Variants in NRDE2 observed in about 807,000 individuals in gnomAD.
The protein encoded by NRDE2 is nuclear exosome regulator NRDE2.
In NRDE2, 76 loss-of-function variants were observed where a neutral mutation model predicts 124.2. The observed-to-expected ratio is 0.61, with a 90% CI of 0.51 to 0.74. NRDE2 has a LOEUF of 0.74. NRDE2 is among the 30% of genes least tolerant of loss of function. The pLI, the probability that NRDE2 is intolerant of heterozygous loss-of-function variation, is 0.00. For synonymous variants in NRDE2, 489 were observed against 528.1 expected, an observed-to-expected ratio of 0.93 and a Z score of 1.01; for missense variants, 1,314 against 1,417.3, an observed-to-expected ratio of 0.93 and a Z score of 1.17.
chr14:90,301,864 T>C (rs1884414041), intron 6 of NRDE2: 1 of 455,586 alleles, frequency 2.2e-6, no homozygotes, highest in Middle Eastern at 3.3e-4. Flanking sequence ...TTGGTACAAT[T>C]CCAGCTACTA....
intron 12 of NRDE2, chr14:90,280,344 G>A (rs1380303735): frequency 6.6e-6 from 1 of 152,198 alleles, no homozygotes; most frequent in African/African-American, 2.4e-5. Context: ...GGCCAGCTGT[G>A]AGGCTCGGAG....
At chr14:90,296,336 T>C (rs549697257) in intron 8 of NRDE2, among the ~76,000 whole-genome samples, 2 of 152,324 alleles carry the variant, frequency 1.3e-5, no homozygotes, top group East Asian at 1.9e-4. Flanking sequence ...AGGCTGTTTT[T>C]CTTCATACAT....
intron 1 of NRDE2, among the ~76,000 whole-genome samples, chr14:90,326,824 A>G (rs1885457598): frequency 6.6e-6 from 1 of 152,228 alleles, no homozygotes; most frequent in Non-Finnish European, 1.5e-5. Context: ...GTGATTTTCA[A>G]ACTCAGTAAA....
chr14:90,282,086 T>G (rs537484758), intron 12 of NRDE2, among the ~76,000 whole-genome samples: 184 of 152,370 alleles, frequency 1.2e-3, no homozygotes, highest in African/African-American at 4.2e-3. Context: ...ACTAACTGGC[T>G]TATATACTCA....
intron 1 of NRDE2, among the ~76,000 whole-genome samples, chr14:90,324,694 A>G (rs1008186427): frequency 2.1e-4 from 31 of 149,358 alleles, no homozygotes; most frequent in Admixed American, 5.4e-4. Context: ...AAAAAAAAAG[A>G]GCACACACTT....
chr14:90,271,152 T>C lies in NRDE2; in HGVS notation c.*7184A>G, dbSNP rs969336786. The C allele has an allele frequency of 3.3e-5, 5 of 152,266 alleles. No individual in the cohort carries two copies. The highest frequency in any genetic ancestry group is 1.2e-4 in the African/African-American group (5 of 41,470). 9.4% of individuals were successfully genotyped at this position (152,266 alleles called of 1,614,324 possible). A position where few individuals can be genotyped will look rare whatever the true frequency, so the allele number is the denominator to read the frequency against. ...ATTTGCCAAGAGTTAACATTTTACC[T>C]GTTTGCTTTTTCTCTTTCTATACAC... On this transcript the variant is annotated 3_prime_UTR_variant, in exon 14 of 14. Transcript: ENST00000354366.
Position 90,269,306 on chromosome 14 carries a change from G to A in NRDE2, c.*9030C>T. ...GAGTTGAAACAGGAATGTTTGTTAA[G>A]GTGTTTTGTCACAATGAGGTCTTTG... On this transcript the variant is annotated 3_prime_UTR_variant, in exon 14 of 14. Coordinates refer to ENST00000354366, the MANE Select transcript of NRDE2 (RefSeq NM_017970.4). 8.9e-7 allele frequency: 1 copy of A among 1,119,378 alleles called. No homozygotes were observed. The highest frequency in any genetic ancestry group is 2.4e-5 in the East Asian group (1 of 41,460). 69.3% of individuals were successfully genotyped at this position (1,119,378 alleles called of 1,614,324 possible).
At chr14:90,320,807 C>G (rs1159153713) in intron 1 of NRDE2, among the ~76,000 whole-genome samples, 1 of 152,190 alleles carries the variant, frequency 6.6e-6, no homozygotes, top group Admixed American at 6.5e-5. Flanking sequence ...ATCCTCACAA[C>G]AAGGCTCTAT....
intron 1 of NRDE2, among the ~76,000 whole-genome samples, chr14:90,331,473 T>C (rs1885694513): frequency 6.6e-6 from 1 of 152,216 alleles, no homozygotes; most frequent in African/African-American, 2.4e-5. Flanking sequence ...TAATATGTAA[T>C]AAAAACATTC....
In NRDE2 at chr14:90,289,164, G is replaced by A; in HGVS notation, c.2230-19C>T. ...AAATGACCTACAGGGAAAAAGAGAA[G>A]AATGACTGCAGGTGCTCTGTAATTA... On this transcript the variant is annotated intron_variant, in intron 10 of 13. Transcript: ENST00000354366. 2 of 1,574,022 alleles carry A rather than the reference G, an allele frequency of 1.3e-6. No homozygotes were observed. Among genetic ancestry groups the A allele is most frequent in the Non-Finnish European group, 1.7e-6 (2 of 1,153,402 alleles).
At chr14:90,329,397 T>A (rs969972981) in intron 1 of NRDE2, among the ~76,000 whole-genome samples, 1 of 152,168 alleles carries the variant, frequency 6.6e-6, no homozygotes, top group Non-Finnish European at 1.5e-5. Flanking sequence ...CTCTTGAAGA[T>A]CCATCCAAAA....
At chr14:90,294,559 C>T (rs574071168) in intron 8 of NRDE2, among the ~76,000 whole-genome samples, 11 of 152,138 alleles carry the variant, frequency 7.2e-5, no homozygotes, top group Admixed American at 5.2e-4. Flanking sequence ...GACGACACTA[C>T]GCTAAGCGGA....
chr14:90,280,524 C>G (rs1891925308), intron 12 of NRDE2: 1 of 152,304 alleles, frequency 6.6e-6, no homozygotes, highest in East Asian at 1.9e-4. Flanking sequence ...AATCTCGGAA[C>G]CCAACAAATC....
intron 8 of NRDE2, among the ~76,000 whole-genome samples, chr14:90,293,341 C>T (rs1446295338): frequency 2.0e-5 from 3 of 152,122 alleles, no homozygotes; most frequent in Non-Finnish European, 2.9e-5. Flanking sequence ...ATCTCCGCCT[C>T]CCAGGTTCAA....
chr14:90,277,589 C>T lies in NRDE2; in HGVS notation c.*747G>A, dbSNP rs913836812. 6.6e-6 allele frequency: 1 copy of T among 152,374 alleles called. No homozygotes were observed. Among genetic ancestry groups the T allele is most frequent in the Non-Finnish European group, 1.5e-5 (1 of 68,154 alleles). 9.4% of individuals were successfully genotyped at this position (152,374 alleles called of 1,614,324 possible). A position where few individuals can be genotyped will look rare whatever the true frequency, so the allele number is the denominator to read the frequency against. On this transcript the variant is annotated 3_prime_UTR_variant, in exon 14 of 14. Coordinates refer to ENST00000354366, the MANE Select transcript of NRDE2 (RefSeq NM_017970.4). Reference sequence around the variant, plus strand: ...GTTGCTGCACAAGCGTGCCGGGCCCCTCATGCAGGCAGGGCTGGGGCTGGC... The same window carrying T: ...GTTGCTGCACAAGCGTGCCGGGCCCTTCATGCAGGCAGGGCTGGGGCTGGC...
intron 2 of NRDE2, 39 bp from the exon 3 acceptor site, chr14:90,316,850 A>C: frequency 7.5e-7 from 1 of 1,332,190 alleles, no homozygotes. Flanking sequence ...CTTTCTAAAA[A>C]GATGTAGGAA....
intron 1 of NRDE2, among the ~76,000 whole-genome samples, chr14:90,326,233 G>A (rs1195398450): frequency 3.9e-5 from 6 of 152,142 alleles, no homozygotes; most frequent in Admixed American, 3.3e-4. Context: ...GGTGGCTCAC[G>A]CCTGTAATCC....
chr14:90,313,258 C>T (rs1353973201), intron 3 of NRDE2, among the ~76,000 whole-genome samples: 1 of 151,740 alleles, frequency 6.6e-6, no homozygotes, highest in East Asian at 1.9e-4. Context: ...TCCTGAGTAG[C>T]TGGGACTACA....
intron 1 of NRDE2, among the ~76,000 whole-genome samples, chr14:90,329,358 TC>T (rs1187752606): frequency 5.9e-5 from 9 of 152,114 alleles, no homozygotes; most frequent in Non-Finnish European, 1.2e-4. Flanking sequence ...GGTATACACT[TC>T]CCCCATTTTA....
Sources: allele counts gnomAD v4.1 joint callset (sites outside exome capture counted in the v4.1 genomes callset), GRCh38; gene constraint gnomAD v4.1.1; transcripts MANE v1.5; gene names NCBI Gene and HGNC (gene_info 2026-07-23, HGNC 2026-07-21).